HAPLN2: variants seen among roughly 807,000 people sequenced by gnomAD.
HAPLN2 encodes hyaluronan and proteoglycan link protein 2.
In HAPLN2, 27 loss-of-function variants were observed where a neutral mutation model predicts 29.3. The observed-to-expected ratio is 0.92, with a 90% CI of 0.68 to 1.27. The LOEUF is 1.27. Ranked by LOEUF, HAPLN2 falls within the 50% of genes most tolerant of loss-of-function variation. HAPLN2 has a pLI of 0.00. For missense variants in HAPLN2, 454 were observed against 484.3 expected, an observed-to-expected ratio of 0.94 and a Z score of 0.59; for synonymous variants, 208 against 211.7, an observed-to-expected ratio of 0.98 and a Z score of 0.15.
At chr1:156,622,089 T>A (rs1008612848) in intron 2 of HAPLN2, among the ~76,000 whole-genome samples, 1 of 152,232 alleles carries the variant, frequency 6.6e-6, no homozygotes, top group Non-Finnish European at 1.5e-5. Flanking sequence ...TGTATCTATA[T>A]GTGGATACAT....
At chr1:156,603,324 G>A in the HAPLN2 span, among the ~76,000 whole-genome samples, 1 of 151,780 alleles carries the variant, frequency 6.6e-6, no homozygotes, top group African/African-American at 2.4e-5. Context: ...TGGGAGTACG[G>A]GTGCATGCCA....
upstream of HAPLN2, chr1:156,615,309 C>T (rs1168088150): frequency 6.6e-6 from 1 of 152,130 alleles, no homozygotes; most frequent in Admixed American, 6.6e-5. Context: ...ATACTTCAGG[C>T]CTCTATATAT....
chr1:156,618,327 T>C (rs1488183568), upstream of HAPLN2, among the ~76,000 whole-genome samples: 1 of 101,052 alleles, frequency 9.9e-6, no homozygotes, highest in African/African-American at 3.9e-5. Flanking sequence ...AAAAAAAAAG[T>C]TAATTAGACG....
At chr1:156,615,588 T>G (rs956510442), upstream of HAPLN2, among the ~76,000 whole-genome samples, 1 of 148,376 alleles carries the variant, frequency 6.7e-6, no homozygotes, top group Admixed American at 6.8e-5. Flanking sequence ...TTTTTTTTTT[T>G]CAGACAGAAT....
chr1:156,609,972 T>C, the HAPLN2 span, among the ~76,000 whole-genome samples: 1 of 151,980 alleles, frequency 6.6e-6, no homozygotes, highest in African/African-American at 2.4e-5. Flanking sequence ...TCCCAGCACT[T>C]TGGGAGGTCG....
At chr1:156,624,241 A>G in intron 4 of HAPLN2, 81 bp downstream of exon 4, 2 of 1,513,232 alleles carry the variant, frequency 1.3e-6, no homozygotes, top group Non-Finnish European at 1.8e-6. Context: ...CCTTCCCAGT[A>G]TCTCCTCCGC....
Position 156,625,390 on chromosome 1 carries a change from C to A in HAPLN2, c.*6C>A. 1 of 1,578,472 alleles carries A rather than the reference C, an allele frequency of 6.3e-7. No individual in the cohort carries two copies. The highest frequency in any genetic ancestry group is 8.6e-7 in the Non-Finnish European group (1 of 1,161,182). On this transcript the variant is annotated 3_prime_UTR_variant, in exon 7 of 7. Transcript: ENST00000255039. The surrounding 1 kb of genome is among the most constrained non-coding windows in gnomAD (Gnocchi z 5.7). ...ACTGCTACGCCGAGAATTAGGCGCC[C>A]ACCGTGTCCCCTCCAGCGCGCGCGA...
At position 156,624,644 on chromosome 1, in the gene HAPLN2, C is replaced by G; in HGVS notation, c.600C>G (p.Leu200=). Residue 200 remains leucine, a synonymous_variant, in exon 6 of 7, where the codon CTC becomes CTG. Coordinates refer to ENST00000255039, the MANE Select transcript of HAPLN2 (RefSeq NM_021817.3). ...GLDWCNAGWL[L]EGSVRYPVLT... ...ACTGGTGTAACGCGGGCTGGCTGCTCGAGGGCTCCGTGCGCTACCCTGTGC... is the reference window on the plus strand; with the variant it reads ...ACTGGTGTAACGCGGGCTGGCTGCTGGAGGGCTCCGTGCGCTACCCTGTGC... The G allele has an allele frequency of 6.2e-7, 1 of 1,611,764 alleles. No homozygotes were observed. The highest frequency in any genetic ancestry group is 1.1e-5 in the South Asian group (1 of 90,940).
upstream of HAPLN2, among the ~76,000 whole-genome samples, chr1:156,617,650 CTTTT>C (rs56771313): frequency 1.5e-5 from 2 of 137,386 alleles, no homozygotes; most frequent in Non-Finnish European, 1.6e-5. Flanking sequence ...TGCCCAGCCT[CTTTT>C]TTTTTTTTTT....
At chr1:156,604,290 ATTCTTTTTTTT>A in the HAPLN2 span, among the ~76,000 whole-genome samples, 43 of 85,682 alleles carry the variant, frequency 5.0e-4, 1 homozygote, top group African/African-American at 8.2e-4. Flanking sequence ...ATGTTGAAGA[ATTCTTTTTTTT>A]TTCTTTTTTT....
chr1:156,621,403 C>T (rs1678216746), intron 2 of HAPLN2, among the ~76,000 whole-genome samples: 1 of 150,562 alleles, frequency 6.6e-6, no homozygotes, highest in African/African-American at 2.5e-5. Context: ...GTGCCTGGCC[C>T]AGTCCAATTT....
At position 156,625,447 on chromosome 1, in the gene HAPLN2, G is replaced by GCCA. The variant is rs1055161290; in HGVS notation, c.*66_*68dup. On this transcript the variant is annotated 3_prime_UTR_variant, in exon 7 of 7. Coordinates refer to ENST00000255039, the MANE Select transcript of HAPLN2 (RefSeq NM_021817.3). The surrounding 1 kb of genome is among the most constrained non-coding windows in gnomAD (Gnocchi z 5.7). ...TTGGGAGTCGTGGCGGGGGTCTCTC[G>GCCA]CCACCCCTTTCCGGAGAGCCTCCCC... 1.4e-5 allele frequency: 20 copies of GCCA among 1,461,060 alleles called. No homozygotes were observed. The African/African-American group carries it at 2.6e-4, about 19-fold the overall frequency. 90.5% of individuals were successfully genotyped at this position (1,461,060 alleles called of 1,614,324 possible). A position where few individuals can be genotyped will look rare whatever the true frequency, so the allele number is the denominator to read the frequency against.
At chr1:156,607,395 G>A in the HAPLN2 span, among the ~76,000 whole-genome samples, 3 of 152,042 alleles carry the variant, frequency 2.0e-5, no homozygotes, top group African/African-American at 2.4e-5. Flanking sequence ...CAGGGGAATC[G>A]CTTGAACTCA....
rs377313841 is a variant in HAPLN2, at chr1:156,623,311, T to A, written c.-24-156T>A. Among the ~76,000 whole-genome samples, 3 of 152,182 alleles carry A rather than the reference T, an allele frequency of 2.0e-5. No individual in the cohort carries two copies. In the East Asian group the frequency reaches 5.8e-4, roughly 29 times the overall value. The stretch of plus-strand genomic sequence containing the variant: ...GATTGCTACTGCCTTCTTCCCCTCA[T>A]CACCTTCATTTTGTCACCAACCCCT... On this transcript the variant is annotated intron_variant, in intron 2 of 6. Transcript: ENST00000255039.
At chr1:156,609,296 T>C in the HAPLN2 span, among the ~76,000 whole-genome samples, 4 of 152,218 alleles carry the variant, frequency 2.6e-5, no homozygotes, top group Admixed American at 2.6e-4. Context: ...CCTTATTACA[T>C]GTTACCATTT....
At chr1:156,602,585 G>T in the HAPLN2 span, among the ~76,000 whole-genome samples, 14 of 144,548 alleles carry the variant, frequency 9.7e-5, no homozygotes, top group Admixed American at 8.5e-4. Context: ...AGCCGGGCAT[G>T]GTGGTGCACG....
the HAPLN2 span, among the ~76,000 whole-genome samples, chr1:156,612,820 A>G: frequency 6.6e-6 from 1 of 152,222 alleles, no homozygotes; most frequent in Admixed American, 6.5e-5. Flanking sequence ...AGCTTCCTAA[A>G]AACTCTTGCA....
chr1:156,624,658 G>C lies in HAPLN2; in HGVS notation c.614G>C (p.Arg205Pro), dbSNP rs1488002618. 1 of 1,610,106 alleles carries C rather than the reference G, an allele frequency of 6.2e-7. No individual in the cohort carries two copies. The highest frequency in any genetic ancestry group is 1.1e-5 in the South Asian group (1 of 90,848). The change falls in exon 6 of 7, where the codon CGC becomes CCC. Residue 205 changes from arginine to proline, a missense_variant. This residue lies in a region of HAPLN2 where 235 missense variants were observed against 236.9 expected (regional missense o/e 0.99). Transcript: ENST00000255039. ...NAGWLLEGSV[R>P]YPVLTARAPC... The stretch of plus-strand genomic sequence containing the variant: ...GGCTGGCTGCTCGAGGGCTCCGTGC[G>C]CTACCCTGTGCTCACCGCACGCGCC...
In HAPLN2 at chr1:156,625,156, C is replaced by T. The variant is rs1277794767; in HGVS notation, c.795C>T (p.Cys265=). The T allele has an allele frequency of 6.5e-7, 1 of 1,543,672 alleles. No individual in the cohort carries two copies. The change falls in exon 7 of 7, where the codon TGC becomes TGT. Residue 265 remains cysteine, a synonymous_variant. Coordinates refer to ENST00000255039, the MANE Select transcript of HAPLN2 (RefSeq NM_021817.3). This position sits in a 1 kb window ranked among gnomAD's most constrained non-coding sequence, Gnocchi z 5.7. ...RLTLSEAHAA[C]RRRGAVVAKV... is the part of the protein sequence containing the mutation. ...CGCTGTCTGAAGCCCACGCGGCGTG[C>T]CGGCGACGCGGCGCCGTGGTGGCCA...
Sources: allele counts gnomAD v4.1 joint callset (sites outside exome capture counted in the v4.1 genomes callset), GRCh38; gene constraint gnomAD v4.1.1; regional missense constraint gnomAD v4.1.1; non-coding constraint Gnocchi (gnomAD v3.1); transcripts MANE v1.5; gene names NCBI Gene and HGNC (gene_info 2026-07-23, HGNC 2026-07-21).